The following PGAM1 variants were observed in gnomAD, a reference collection of about 807,000 sequenced individuals.
PGAM1 encodes BPG-dependent PGAM 1.
Under a neutral mutation model 23.5 loss-of-function variants are expected in PGAM1, and 21 were observed. The ratio of observed to expected loss-of-function variants is 0.89; its 90% CI spans 0.63 to 1.29. The LOEUF (loss-of-function observed/expected upper bound fraction) is 1.29, where lower values mean the gene tolerates loss of function less well. Among genes scored for constraint, PGAM1 ranks in the 50% most tolerant of loss-of-function variants. The pLI, the probability that PGAM1 is intolerant of heterozygous loss-of-function variation, is 0.00. For synonymous variants in PGAM1, 109 were observed against 128.6 expected, an observed-to-expected ratio of 0.85 and a Z score of 1.03; for missense variants, 232 against 336.3, an observed-to-expected ratio of 0.69 and a Z score of 2.42.
rs1280605284 is a variant in PGAM1 at position 97,430,531 on chromosome 10, C to T, written c.292C>T (p.Leu98Phe). 6 of 1,600,700 alleles carry T rather than the reference C, an allele frequency of 3.7e-6. No homozygotes were observed. In the Admixed American group the frequency reaches 1.0e-4, roughly 27 times the overall value. The change falls in exon 2 of 4, where the codon CTC becomes TTC. Residue 98 changes from leucine (L) to phenylalanine (F), a missense_variant. Physicochemically the swap from Leu to Phe is conservative, Grantham distance 22 (BLOSUM62 0). This residue lies in a region of PGAM1 where 191 missense variants were observed against 241.7 expected (regional missense o/e 0.79). Transcript: ENST00000334828. ...NERHYGGLTG[L>F]NKAETAAKHG... is the part of the protein sequence containing the mutation. ...GCGGCACTATGGGGGTCTAACCGGT[C>T]TCAATAAAGCAGAAACTGCTGCAAA...
chr10:97,430,912 G>T (rs1021358704), intron 2 of PGAM1, 43 bp from the exon 3 acceptor site: 2 of 1,610,614 alleles, frequency 1.2e-6, no homozygotes, highest in African/African-American at 2.7e-5. Flanking sequence ...TTTAACAGAT[G>T]TAACTCTTAA....
In PGAM1 at chr10:97,430,205, A is replaced by G. The variant is rs533230209; in HGVS notation, c.140-174A>G. 6.6e-4 allele frequency among the ~76,000 whole-genome samples: 100 copies of G among 152,352 alleles called. 1 individual carries two copies. The South Asian group carries it at 0.02, about 31-fold the overall frequency. On this transcript the variant is annotated intron_variant, in intron 1 of 3. Coordinates refer to ENST00000334828, the MANE Select transcript of PGAM1 (RefSeq NM_002629.4). The stretch of plus-strand genomic sequence containing the variant: ...GGTTTTAATCTAGGTTTTAACCCAC[A>G]TAATAGCTGTGACCTTGGATAGAGT...
At chr10:97,427,165 C>G in intron 1 of PGAM1, 1 of 466,254 alleles carries the variant, frequency 2.1e-6, no homozygotes, top group Non-Finnish European at 2.8e-6. Flanking sequence ...GGAGGACGCC[C>G]TGTGCCTTAA....
rs781076610 is a variant in PGAM1 at position 97,430,394 on chromosome 10, T to C, written c.155T>C (p.Phe52Ser). ...TGATTTCCAGATGCTGGCTATGAGTTTGACATCTGCTTCACCTCAGTGCAG... is the reference window on the plus strand; with the variant it reads ...TGATTTCCAGATGCTGGCTATGAGTCTGACATCTGCTTCACCTCAGTGCAG... ...GQALRDAGYE[F>S]DICFTSVQKR... The change falls in exon 2 of 4, where the codon TTT (phenylalanine) becomes TCT (serine). Residue 52 changes from phenylalanine (F) to serine (S), a missense_variant. Physicochemically the swap from Phe to Ser is radical, Grantham distance 155. Around this residue, in one of 3 missense-constraint regions of PGAM1, gnomAD observed 38 missense variants for 77.1 expected, o/e 0.49. Transcript: ENST00000334828. 4.3e-6 allele frequency: 7 copies of C among 1,611,828 alleles called. No individual in the cohort carries two copies. Among genetic ancestry groups the C allele is most frequent in the Non-Finnish European group, 5.9e-6 (7 of 1,179,876 alleles).
At chr10:97,428,466 T>C (rs1169723761) in intron 1 of PGAM1, among the ~76,000 whole-genome samples, 2 of 152,184 alleles carry the variant, frequency 1.3e-5, no homozygotes, top group Non-Finnish European at 2.9e-5. Context: ...GGCTATGTTT[T>C]AGTTTGATGG....
At position 97,432,877 on chromosome 10, in the gene PGAM1, G is replaced by T; in HGVS notation, c.*353G>T. ...GCTAAGCCATGACCAGTGAGGAGAA[G>T]CAACAGAGCCTGTCTGTCCCCATGA... On this transcript the variant is annotated 3_prime_UTR_variant, in exon 4 of 4. Coordinates refer to ENST00000334828, the MANE Select transcript of PGAM1 (RefSeq NM_002629.4). The T allele has an allele frequency of 3.8e-6, 1 of 262,484 alleles. No individual in the cohort carries two copies. Among genetic ancestry groups the T allele is most frequent in the Non-Finnish European group, 7.3e-6 (1 of 136,172 alleles). 16.3% of individuals were successfully genotyped at this position (262,484 alleles called of 1,614,324 possible).
At chr10:97,430,261 T>C in intron 1 of PGAM1, 118 bp from the exon 2 acceptor site, 2 of 1,254,666 alleles carry the variant, frequency 1.6e-6, no homozygotes, top group East Asian at 2.3e-5. Flanking sequence ...TGGCCAAATA[T>C]TTTCTTTTTT....
chr10:97,430,796 G>C (rs1257081180), intron 2 of PGAM1, 143 bp downstream of exon 2: 2 of 1,456,376 alleles, frequency 1.4e-6, no homozygotes, highest in African/African-American at 2.8e-5. Flanking sequence ...TCACTTACTA[G>C]AAGATATGGT....
Position 97,426,276 on chromosome 10 carries a change from C to A in PGAM1, c.-32C>A, listed in dbSNP as rs1382972942. Reference sequence around the variant, plus strand: ...GGCTGCTACTCCGGAATCTGCTAATCCCAGTCGGTGCCGCATCCCCAGCCC... The same window carrying A: ...GGCTGCTACTCCGGAATCTGCTAATACCAGTCGGTGCCGCATCCCCAGCCC... On this transcript the variant is annotated 5_prime_UTR_variant, in exon 1 of 4. Coordinates refer to ENST00000334828, the MANE Select transcript of PGAM1 (RefSeq NM_002629.4). The A allele has an allele frequency of 1.2e-6, 2 of 1,609,694 alleles. No individual in the cohort carries two copies. The highest frequency in any genetic ancestry group is 1.3e-5 in the African/African-American group (1 of 74,796).
At position 97,432,417 on chromosome 10, in the gene PGAM1, T is replaced by C. The variant is rs1287796887; in HGVS notation, c.658T>C (p.Leu220=). 6.8e-6 allele frequency: 11 copies of C among 1,611,462 alleles called. No homozygotes were observed. Among genetic ancestry groups the C allele is most frequent in the Admixed American group, 1.7e-5 (1 of 59,968 alleles). Residue 220 remains leucine (L), a synonymous_variant, in exon 4 of 4, where the codon TTG becomes CTG. Coordinates refer to ENST00000334828, the MANE Select transcript of PGAM1 (RefSeq NM_002629.4). The stretch of plus-strand genomic sequence containing the variant: ...GACTGGTATTCCCATTGTCTATGAA[T>C]TGGACAAGAACTTGAAGCCTATCAA... ...LPTGIPIVYE[L]DKNLKPIKPM...
Position 97,426,224 on chromosome 10 carries a change from G to A in PGAM1, c.-84G>A. 6.3e-7 allele frequency: 1 copy of A among 1,597,724 alleles called. No homozygotes were observed. Among genetic ancestry groups the A allele is most frequent in the Non-Finnish European group, 8.5e-7 (1 of 1,169,880 alleles). On this transcript the variant is annotated 5_prime_UTR_variant, in exon 1 of 4. Coordinates refer to ENST00000334828, the MANE Select transcript of PGAM1 (RefSeq NM_002629.4). Reference sequence around the variant, plus strand: ...GCGCGGGAGCCGGACTGAGCGGTGCGAGCGCGCAGGCGCGGCCGACGGGGC... The same window carrying A: ...GCGCGGGAGCCGGACTGAGCGGTGCAAGCGCGCAGGCGCGGCCGACGGGGC...
In PGAM1 at chr10:97,431,123, A is replaced by G. The variant is rs144045445; in HGVS notation, c.583A>G (p.Lys195Glu). The G allele has an allele frequency of 1.1e-5, 18 of 1,614,036 alleles. No homozygotes were observed. The African/African-American group carries it at 1.3e-4, about 12-fold the overall frequency. Residue 195 changes from lysine to glutamate, a missense_variant, in exon 3 of 4, where the codon AAG becomes GAG. By Grantham distance (56) the Lys-to-Glu change is moderately conservative. Coordinates refer to ENST00000334828, the MANE Select transcript of PGAM1 (RefSeq NM_002629.4). ...AHGNSLRGIV[K>E]HLEGLSEEAI... ...TGGCAACAGCCTCCGGGGCATTGTC[A>G]AGCATCTGGAGGGTATGTATGTTTT... is the stretch of plus-strand genomic sequence containing the variant.
chr10:97,428,739 C>T (rs1404855244), intron 1 of PGAM1, among the ~76,000 whole-genome samples: 2 of 152,130 alleles, frequency 1.3e-5, no homozygotes, highest in African/African-American at 2.4e-5. Flanking sequence ...AGTGAGTCTA[C>T]TAGGACTTGT....
chr10:97,426,278 C>T lies in PGAM1; in HGVS notation c.-30C>T. The T allele has an allele frequency of 6.2e-7, 1 of 1,609,848 alleles. No individual in the cohort carries two copies. The highest frequency in any genetic ancestry group is 8.5e-7 in the Non-Finnish European group (1 of 1,179,160). ...CTGCTACTCCGGAATCTGCTAATCC[C>T]AGTCGGTGCCGCATCCCCAGCCCGC... On this transcript the variant is annotated 5_prime_UTR_variant, in exon 1 of 4. Coordinates refer to ENST00000334828, the MANE Select transcript of PGAM1 (RefSeq NM_002629.4).
intron 1 of PGAM1, among the ~76,000 whole-genome samples, chr10:97,426,853 G>C (rs1845415712): frequency 6.6e-6 from 1 of 152,020 alleles, no homozygotes; most frequent in African/African-American, 2.4e-5. Flanking sequence ...TTATCAACGT[G>C]GTGAAACCCC....
rs1845481675 is a variant in PGAM1, at chr10:97,432,476, G to A, written c.717G>A (p.Val239=). 1.2e-6 allele frequency: 2 copies of A among 1,609,760 alleles called. No individual in the cohort carries two copies. The highest frequency in any genetic ancestry group is 1.7e-6 in the Non-Finnish European group (2 of 1,178,200). Residue 239 remains valine (V), a synonymous_variant, in exon 4 of 4, where the codon GTG becomes GTA. Transcript: ENST00000334828. The part of the protein sequence containing the change: ...PMQFLGDEET[V]RKAMEAVAAQ... ...AGTTTCTGGGGGATGAAGAGACGGTGCGCAAAGCCATGGAAGCTGTGGCTG... is the reference window on the plus strand; with the variant it reads ...AGTTTCTGGGGGATGAAGAGACGGTACGCAAAGCCATGGAAGCTGTGGCTG...
intron 1 of PGAM1, among the ~76,000 whole-genome samples, chr10:97,429,092 CTTTTTTTTTTTT>C (rs888329236): frequency 3.5e-5 from 3 of 84,752 alleles, no homozygotes; most frequent in African/African-American, 5.5e-5. Context: ...AGACTGATTC[CTTTTTTTTTTTT>C]TTTTTTTTTT....
intron 1 of PGAM1, chr10:97,427,676 CT>C (rs1165058390): frequency 1.2e-5 from 15 of 1,212,086 alleles, no homozygotes; most frequent in South Asian, 1.2e-4. Flanking sequence ...CCAGTCTGCT[CT>C]TTGTGGTGTT....
chr10:97,430,280 A>G (rs1845455044), intron 1 of PGAM1, 99 bp from the exon 2 acceptor site: 2 of 1,435,838 alleles, frequency 1.4e-6, no homozygotes, highest in Admixed American at 3.3e-5. Flanking sequence ...TTGGCCAAAT[A>G]TTGTCATTTG....
Sources: gnomAD v4.1 joint callset for allele counts (sites outside exome capture counted in the v4.1 genomes callset) on GRCh38, gnomAD v4.1.1 for gene constraint, gnomAD v4.1.1 regional missense constraint, MANE v1.5 for transcripts, NCBI Gene and HGNC (gene_info 2026-07-23, HGNC 2026-07-21) for gene names.